Variants in ABCB5 observed in about 807,000 individuals in gnomAD.
ABCB5 encodes the protein ATP binding cassette subfamily B member 5, also known as ATP-binding cassette sub-family B member 5.
ABCB5 carries 155 observed loss-of-function variants against 144.2 expected under a neutral mutation model. The ratio of observed to expected loss-of-function variants is 1.08; its 90% confidence interval spans 0.94 to 1.23. The LOEUF (loss-of-function observed/expected upper bound fraction) is 1.23. Ranked by LOEUF, ABCB5 falls within the 50% of genes most tolerant of loss-of-function variation. The pLI, the probability that ABCB5 is intolerant of heterozygous loss-of-function variation, is 0.00. For synonymous variants in ABCB5, 610 were observed against 528.6 expected (o/e 1.15, Z -2.11); for missense variants, 1,830 against 1,520.8 (o/e 1.20, Z -3.38).
chr7:20,654,964 A>G (rs1784724451), intron 13 of ABCB5, among the ~76,000 whole-genome samples: 1 of 152,080 alleles, frequency 6.6e-6, no homozygotes, highest in Admixed American at 6.5e-5. Context: ...GACTAAGTAA[A>G]TAGAAATTAC....
At chr7:20,695,730 A>G (rs565281490) in intron 16 of ABCB5, among the ~76,000 whole-genome samples, 2 of 152,132 alleles carry the variant, frequency 1.3e-5, no homozygotes, top group African/African-American at 4.8e-5. Context: ...TAAAAATACA[A>G]ACAACCCAAT....
At chr7:20,667,496 C>T in intron 14 of ABCB5, 1 of 981,964 alleles carries the variant, frequency 1.0e-6, no homozygotes, top group Non-Finnish European at 1.2e-6. Context: ...CTCAAATTCT[C>T]CTTAGACTGT....
rs1350243006 is a variant in ABCB5 at position 20,727,102 on chromosome 7, C to T, written c.2688C>T (p.Phe896=). ...TGTCATTAACAAGGGAAAAAGCCTT[C>T]GAGCAAATGTATGAAGAGATGCTTC... is the stretch of plus-strand genomic sequence containing the variant. ...TIVSLTREKA[F]EQMYEEMLQT... is the part of the protein sequence containing the mutation. The change falls in exon 22 of 28, where the codon TTC becomes TTT. Residue 896 remains phenylalanine, a synonymous_variant. Coordinates refer to ENST00000404938, the MANE Select transcript of ABCB5 (RefSeq NM_001163941.2). 7.4e-6 allele frequency: 12 copies of T among 1,613,460 alleles called. No individual in the cohort carries two copies. The highest frequency in any genetic ancestry group is 5.0e-5 in the Admixed American group (3 of 59,970).
intron 14 of ABCB5, among the ~76,000 whole-genome samples, chr7:20,668,593 G>A (rs904879988): frequency 5.2e-4 from 75 of 143,078 alleles, no homozygotes; most frequent in Admixed American, 1.2e-3. Flanking sequence ...AGGGAGGTGG[G>A]GGGGGGGGTC....
At chr7:20,711,864 T>TC (rs869104324) in intron 20 of ABCB5, among the ~76,000 whole-genome samples, 2 of 42,268 alleles carry the variant, frequency 4.7e-5, no homozygotes, top group African/African-American at 2.3e-4. Flanking sequence ...TTTCTTTCCT[T>TC]CCTCCCTCCC....
chr7:20,753,025 T>G (rs965329091), intron 26 of ABCB5, among the ~76,000 whole-genome samples: 1 of 152,222 alleles, frequency 6.6e-6, no homozygotes, highest in Non-Finnish European at 1.5e-5. Flanking sequence ...AAATAGTAGG[T>G]AGTATAACTT....
At chr7:20,724,464 C>T (rs1463641549) in intron 21 of ABCB5, among the ~76,000 whole-genome samples, 2 of 151,648 alleles carry the variant, frequency 1.3e-5, no homozygotes, top group Admixed American at 6.6e-5. Context: ...CCCATCTCTA[C>T]GAAAAATACA....
chr7:20,621,608 T>C (rs997001683), intron 1 of ABCB5, among the ~76,000 whole-genome samples: 3 of 152,086 alleles, frequency 2.0e-5, no homozygotes, highest in Non-Finnish European at 4.4e-5. Flanking sequence ...CTTTTTTCAA[T>C]TCTTCATGAG....
intron 15 of ABCB5, among the ~76,000 whole-genome samples, chr7:20,684,081 G>C (rs1024356838): frequency 5.3e-5 from 8 of 152,072 alleles, no homozygotes; most frequent in Non-Finnish European, 8.8e-5. Context: ...TATTAAACAG[G>C]CAAAATCATG....
chr7:20,681,406 C>T, intron 14 of ABCB5, 99 bp from the exon 15 acceptor site: 6 of 1,359,188 alleles, frequency 4.4e-6, no homozygotes, highest in Non-Finnish European at 6.0e-6. Flanking sequence ...GAATTACAGG[C>T]ATGAGCCACC....
chr7:20,744,649 T>C (rs1485976126), intron 25 of ABCB5, among the ~76,000 whole-genome samples: 1 of 151,604 alleles, frequency 6.6e-6, no homozygotes, highest in African/African-American at 2.4e-5. Context: ...CATTAGGAGA[T>C]ATACCTAATG....
chr7:20,720,668 A>G (rs10272566), intron 20 of ABCB5, among the ~76,000 whole-genome samples: 91,535 of 151,994 alleles, frequency 0.6, 27,891 homozygotes, highest in East Asian at 0.91. Context: ...TGAAGAGGCC[A>G]GGCGCGGTGG....
intron 16 of ABCB5, among the ~76,000 whole-genome samples, chr7:20,690,391 T>G (rs938852243): frequency 6.6e-6 from 1 of 152,240 alleles, no homozygotes. Flanking sequence ...AATACGATGT[T>G]TCAATGGAAT....
intron 5 of ABCB5, 58 bp downstream of exon 5, chr7:20,632,171 T>C: frequency 7.9e-7 from 1 of 1,271,048 alleles, no homozygotes; most frequent in Non-Finnish European, 1.1e-6. Flanking sequence ...ATTTAAAGCT[T>C]ACAAGAAAAA....
Position 20,694,940 on chromosome 7 carries a change from T to A in ABCB5, c.2011-3467T>A, listed in dbSNP as rs1406093073. ...ATAAAATATTACAGAGAAAAACTAC[T>A]GAGAAAAATAGACTAAATAAATTAA... On this transcript the variant is annotated intron_variant, in intron 16 of 27. Transcript: ENST00000404938. Among the ~76,000 whole-genome samples, 4 of 152,010 alleles carry A rather than the reference T, an allele frequency of 2.6e-5. No homozygotes were observed. The East Asian group carries it at 7.7e-4, about 29-fold the overall frequency.
At chr7:20,698,916 G>A (rs557708383) in intron 17 of ABCB5, among the ~76,000 whole-genome samples, 1 of 152,306 alleles carries the variant, frequency 6.6e-6, no homozygotes, top group East Asian at 1.9e-4. Flanking sequence ...CCAGCTCAGG[G>A]AGAAGAAATA....
chr7:20,722,544 CATAAAA>C (rs1781902632), intron 20 of ABCB5, among the ~76,000 whole-genome samples: 1 of 152,262 alleles, frequency 6.6e-6, no homozygotes, highest in South Asian at 2.1e-4. Context: ...GACATCAAGA[CATAAAA>C]ATAAAGTATA....
intron 14 of ABCB5, among the ~76,000 whole-genome samples, chr7:20,673,302 T>C (rs1415701722): frequency 6.6e-6 from 1 of 152,096 alleles, no homozygotes; most frequent in Admixed American, 6.5e-5. Flanking sequence ...GATACTATTA[T>C]TCATCTCTTC....
At chr7:20,649,257 A>C (rs6954971) in intron 11 of ABCB5, among the ~76,000 whole-genome samples, 15,070 of 152,072 alleles carry the variant, frequency 0.099, 2,280 homozygotes, top group African/African-American at 0.32. Context: ...GGCCCTCTGA[A>C]GGTTTTATGT....
Sources: gnomAD v4.1 joint callset for allele counts (sites outside exome capture counted in the v4.1 genomes callset) on GRCh38, gnomAD v4.1.1 for gene constraint, MANE v1.5 for transcripts, NCBI Gene and HGNC (gene_info 2026-07-23, HGNC 2026-07-21) for gene names.